The following MTREX variants were observed in gnomAD, a reference collection of about 807,000 sequenced individuals.
The protein encoded by MTREX is exosome RNA helicase MTR4.
In MTREX, 76 loss-of-function variants were observed where a neutral mutation model predicts 135.4. The ratio of observed to expected loss-of-function variants is 0.56; its 90% confidence interval spans 0.47 to 0.68. MTREX has a LOEUF of 0.68. Among genes scored for constraint, MTREX ranks in the 30% least tolerant of loss-of-function variants. The pLI, the probability that MTREX is intolerant of heterozygous loss-of-function variation, is 0.00. For synonymous variants in MTREX, 404 were observed against 401.6 expected, an observed-to-expected ratio of 1.01 and a Z score of -0.07; for missense variants, 920 against 1,262.1, an observed-to-expected ratio of 0.73 and a Z score of 4.11.
At chr5:55,374,359 C>T (rs984788208) in intron 16 of MTREX, among the ~76,000 whole-genome samples, 1 of 151,012 alleles carries the variant, frequency 6.6e-6, no homozygotes, top group African/African-American at 2.4e-5. Context: ...AAAATCATAG[C>T]TCACTGTAGC....
intron 15 of MTREX, among the ~76,000 whole-genome samples, chr5:55,359,285 G>T (rs1052328529): frequency 1.3e-5 from 2 of 152,140 alleles, no homozygotes; most frequent in Admixed American, 6.5e-5. Flanking sequence ...GATTGGCCTG[G>T]TTGCCTTTTT....
intron 7 of MTREX, among the ~76,000 whole-genome samples, chr5:55,342,894 T>C (rs1036395112): frequency 1.3e-5 from 2 of 152,232 alleles, no homozygotes; most frequent in African/African-American, 4.8e-5. Flanking sequence ...TTTCATCAAG[T>C]CTTTCTTTCA....
In MTREX at chr5:55,402,872, G is replaced by GTGTGTGTGTGTGTGTGTA. The variant is rs70992784; in HGVS notation, c.2481+2452_2481+2453insGTGTGTGTGTGTGTGTAT. 1.3e-3 allele frequency among the ~76,000 whole-genome samples: 179 copies of GTGTGTGTGTGTGTGTGTA among 138,844 alleles called. 2 individuals are homozygous for GTGTGTGTGTGTGTGTGTA. Among genetic ancestry groups the GTGTGTGTGTGTGTGTGTA allele is most frequent in the East Asian group, 0.01 (49 of 4,842 alleles). 91.1% of individuals were successfully genotyped at this position (138,844 alleles called of 152,430 possible). ...TATGTATGTGTGTGTGTGTGTGTGT[G>GTGTGTGTGTGTGTGTGTA]TATATATATAATTTCTTTTTTTTTT... is the stretch of plus-strand genomic sequence containing the variant. On this transcript the variant is annotated intron_variant, in intron 21 of 26. Coordinates refer to ENST00000230640, the MANE Select transcript of MTREX (RefSeq NM_015360.5).
intron 23 of MTREX, among the ~76,000 whole-genome samples, chr5:55,413,449 C>T (rs1284195974): frequency 6.6e-6 from 1 of 151,256 alleles, no homozygotes; most frequent in Non-Finnish European, 1.5e-5. Context: ...TCAAAAATTT[C>T]TTCACAAATA....
intron 14 of MTREX, among the ~76,000 whole-genome samples, chr5:55,354,503 AATC>A (rs1278317685): frequency 1.3e-5 from 2 of 152,244 alleles, no homozygotes; most frequent in African/African-American, 4.8e-5. Flanking sequence ...AGGAATTACA[AATC>A]ATCAAAATGC....
intron 5 of MTREX, among the ~76,000 whole-genome samples, chr5:55,336,757 A>G (rs1749560018): frequency 6.6e-6 from 1 of 152,206 alleles, no homozygotes; most frequent in African/African-American, 2.4e-5. Flanking sequence ...CTCCGTATCC[A>G]TGGGTTCCTC....
rs375253153 is a variant in MTREX at position 55,341,159 on chromosome 5, T to C, written c.691-522T>C. ...AGTTTATTTTCCATTTTCAAAACTT[T>C]CTTTCATCTGTGGAAGGTTTTCATT... is the stretch of plus-strand genomic sequence containing the variant. On this transcript the variant is annotated intron_variant, in intron 6 of 26. Transcript: ENST00000230640. 7.9e-5 allele frequency among the ~76,000 whole-genome samples: 12 copies of C among 152,328 alleles called. No homozygotes were observed. In the South Asian group the frequency reaches 1.0e-3, roughly 13 times the overall value.
intron 22 of MTREX, 63 bp from the exon 23 acceptor site, chr5:55,410,461 C>T: frequency 2.3e-6 from 2 of 858,960 alleles, no homozygotes; most frequent in South Asian, 1.6e-5. Flanking sequence ...ACGTTAAGGG[C>T]ATATGTGTGT....
chr5:55,384,727 AC>A (rs1450256413), intron 18 of MTREX, among the ~76,000 whole-genome samples: 1 of 151,976 alleles, frequency 6.6e-6, no homozygotes, highest in Non-Finnish European at 1.5e-5. Context: ...TCTACCTCTT[AC>A]CCCCTATAGT....
intron 1 of MTREX, among the ~76,000 whole-genome samples, chr5:55,317,883 C>T (rs557328516): frequency 6.6e-6 from 1 of 152,248 alleles, no homozygotes; most frequent in East Asian, 1.9e-4. Context: ...ATGCATTTGA[C>T]AAAGGTCTAA....
intron 22 of MTREX, 95 bp downstream of exon 22, chr5:55,405,683 C>T: frequency 8.9e-7 from 1 of 1,122,548 alleles, no homozygotes. Context: ...CTCACTGTTG[C>T]CCAGGCTGGA....
intron 19 of MTREX, among the ~76,000 whole-genome samples, chr5:55,391,333 G>A (rs1354270085): frequency 6.6e-6 from 1 of 152,038 alleles, no homozygotes; most frequent in Non-Finnish European, 1.5e-5. Context: ...TGTAGTCCCT[G>A]CTGTTTTGGA....
chr5:55,393,443 T>C (rs1750600980), intron 19 of MTREX, among the ~76,000 whole-genome samples: 1 of 152,200 alleles, frequency 6.6e-6, no homozygotes, highest in African/African-American at 2.4e-5. Context: ...TAAAATTCAG[T>C]TGGTTCAAAA....
intron 14 of MTREX, among the ~76,000 whole-genome samples, chr5:55,353,523 C>T (rs1295265383): frequency 6.6e-6 from 1 of 152,016 alleles, no homozygotes; most frequent in African/African-American, 2.4e-5. Context: ...GGCAACATAG[C>T]GAGACCCCAT....
chr5:55,414,662 T>G (rs996801967), intron 24 of MTREX, among the ~76,000 whole-genome samples: 1 of 152,172 alleles, frequency 6.6e-6, no homozygotes, highest in Non-Finnish European at 1.5e-5. Context: ...TATTGTTTTG[T>G]TTTTGAGACA....
rs532714243 is a variant in MTREX at position 55,386,078 on chromosome 5, T to C, written c.2053-1896T>C. Among the ~76,000 whole-genome samples the C allele has an allele frequency of 4.6e-5, 7 of 152,304 alleles. No homozygotes were observed. In the South Asian group the frequency reaches 1.2e-3, roughly 27 times the overall value. ...GGTCAGAATACAAATCCAAAGATTT[T>C]TGTGGCCAATAGAGCTTGCCAGAGG... On this transcript the variant is annotated intron_variant, in intron 18 of 26. Transcript: ENST00000230640.
At chr5:55,379,610 ACT>A (rs1367184597) in intron 18 of MTREX, among the ~76,000 whole-genome samples, 1 of 150,796 alleles carries the variant, frequency 6.6e-6, no homozygotes, top group Non-Finnish European at 1.5e-5. Flanking sequence ...ACACACACAC[ACT>A]CAGAGAGACA....
rs748355273 is a variant in MTREX, at chr5:55,347,142, C to G, written c.1238C>G (p.Thr413Arg). The G allele has an allele frequency of 5.6e-6, 9 of 1,596,924 alleles. No individual in the cohort carries two copies. The highest frequency in any genetic ancestry group is 7.7e-6 in the Non-Finnish European group (9 of 1,172,018). ...ALQMTKLDFNTDEEKKMVEEV... is the reference protein window; with the variant it reads ...ALQMTKLDFNRDEEKKMVEEV... ...CAAATGACCAAATTAGATTTCAACA[C>G]AGGTACTACATCATTTCAGTATCAT... The change falls in exon 11 of 27, where the codon ACA (threonine) becomes AGA (arginine). Residue 413 changes from threonine (T) to arginine (R), a missense_variant and splice_region_variant. By Grantham distance (71) the Thr-to-Arg change is moderately conservative. This residue lies in a region of MTREX where 101 missense variants were observed against 119.1 expected (regional missense o/e 0.85). Coordinates refer to ENST00000230640, the MANE Select transcript of MTREX (RefSeq NM_015360.5).
intron 3 of MTREX, 58 bp from the exon 4 acceptor site, chr5:55,327,658 A>G: frequency 7.7e-7 from 1 of 1,296,054 alleles, no homozygotes; most frequent in Non-Finnish European, 1.1e-6. Flanking sequence ...GGAATGCTAA[A>G]TACATCAGTT....
Sources: gnomAD v4.1 joint callset for allele counts (sites outside exome capture counted in the v4.1 genomes callset) on GRCh38, gnomAD v4.1.1 for gene constraint, gnomAD v4.1.1 regional missense constraint, MANE v1.5 for transcripts, NCBI Gene and HGNC (gene_info 2026-07-23, HGNC 2026-07-21) for gene names.